Variants in PAK3 observed in about 807,000 individuals in gnomAD.
The protein encoded by PAK3 is serine/threonine-protein kinase PAK 3.
PAK3 carries 4 observed loss-of-function variants against 41.0 expected under a neutral mutation model. The ratio of observed to expected loss-of-function variants is 0.10; its 90% CI spans 0.05 to 0.22. PAK3 has a LOEUF of 0.22. Ranked by LOEUF, PAK3 falls within the 10% of genes least tolerant of loss-of-function variation. The pLI is 1.00. For synonymous variants in PAK3, 146 were observed against 139.6 expected, an observed-to-expected ratio of 1.05 and a Z score of -0.32; for missense variants, 205 against 409.9, an observed-to-expected ratio of 0.50 and a Z score of 4.32.
chrX:110,995,180 T>A (rs2091719958), intron 1 of PAK3, among the ~76,000 whole-genome samples: 1 of 111,069 alleles, frequency 9.0e-6, no homozygotes, highest in South Asian at 3.9e-4. Context: ...AAAAAACCAG[T>A]GTTGGGGTTA....
chrX:111,059,347 T>A (rs1168372247), intron 1 of PAK3, among the ~76,000 whole-genome samples: 7 of 110,693 alleles, frequency 6.3e-5, no homozygotes, highest in Non-Finnish European at 1.3e-4. Context: ...TTTTTGTAAT[T>A]TTTTTGTAGA....
At chrX:111,009,053 A>G (rs2091973765) in intron 1 of PAK3, among the ~76,000 whole-genome samples, 1 of 111,337 alleles carries the variant, frequency 9.0e-6, no homozygotes, top group Non-Finnish European at 1.9e-5. Context: ...AATTCATATA[A>G]CAGAAAATTT....
chrX:111,116,568 A>G (rs1198419189), intron 4 of PAK3, among the ~76,000 whole-genome samples: 1 of 112,168 alleles, frequency 8.9e-6, no homozygotes, highest in Non-Finnish European at 1.9e-5. Context: ...TATGCAGTAT[A>G]TGGAGTCTGG....
chrX:111,201,187 A>G (rs1326708160), intron 16 of PAK3, among the ~76,000 whole-genome samples: 1 of 112,462 alleles, frequency 8.9e-6, no homozygotes, highest in African/African-American at 3.2e-5. Flanking sequence ...ATACAGAGCT[A>G]GCTTTATTCT....
At chrX:111,191,980 AT>A (rs34641373) in intron 11 of PAK3, 146 bp from the exon 12 acceptor site, 36 of 402,034 alleles carry the variant, frequency 9.0e-5, no homozygotes, top group Admixed American at 8.3e-4. Flanking sequence ...CACAATAATA[AT>A]TTTTTTAAAA....
At chrX:110,987,109 T>C (rs2091558166) in intron 1 of PAK3, among the ~76,000 whole-genome samples, 1 of 111,978 alleles carries the variant, frequency 8.9e-6, no homozygotes, top group African/African-American at 3.2e-5. Flanking sequence ...GCTCTCAACA[T>C]TTTGCTCAGC....
At chrX:110,997,574 G>T (rs2091762012) in intron 1 of PAK3, among the ~76,000 whole-genome samples, 1 of 111,998 alleles carries the variant, frequency 8.9e-6, no homozygotes, top group Non-Finnish European at 1.9e-5. Flanking sequence ...TGATGCCATG[G>T]TTTTTAGCCT....
At chrX:111,049,595 C>G (rs147030297) in intron 1 of PAK3, among the ~76,000 whole-genome samples, 3,375 of 111,589 alleles carry the variant, frequency 0.03, 117 homozygotes, top group African/African-American at 0.1. Flanking sequence ...TAGACTAATC[C>G]CACCCAAATT....
intron 1 of PAK3, among the ~76,000 whole-genome samples, chrX:110,957,378 C>T (rs1237559359): frequency 1.8e-5 from 2 of 111,970 alleles, no homozygotes; most frequent in Non-Finnish European, 3.8e-5. Flanking sequence ...ATTTTTTTCT[C>T]ATTTAATCCT....
intron 1 of PAK3, among the ~76,000 whole-genome samples, chrX:111,034,381 T>C (rs1182320382): frequency 8.9e-6 from 1 of 111,848 alleles, no homozygotes; most frequent in Non-Finnish European, 1.9e-5. Context: ...AGCAAGACTA[T>C]GGCCCACTGC....
chrX:111,172,036 C>G (rs923429368), intron 10 of PAK3, among the ~76,000 whole-genome samples: 2 of 111,798 alleles, frequency 1.8e-5, no homozygotes, highest in African/African-American at 3.2e-5. Flanking sequence ...GTACTAGGTA[C>G]ATAGTAATTA....
intron 5 of PAK3, among the ~76,000 whole-genome samples, chrX:111,129,718 A>G (rs1007523296): frequency 9.0e-6 from 1 of 111,497 alleles, no homozygotes; most frequent in Non-Finnish European, 1.9e-5. Context: ...TGTTTACACT[A>G]AGGTAAAGAA....
intron 1 of PAK3, among the ~76,000 whole-genome samples, chrX:111,036,356 T>C (rs970232218): frequency 1.8e-5 from 2 of 112,444 alleles, no homozygotes; most frequent in Non-Finnish European, 3.8e-5. Flanking sequence ...AAGAAATATC[T>C]GAGACTGGGT....
intron 10 of PAK3, among the ~76,000 whole-genome samples, chrX:111,167,034 A>G (rs1392292556): frequency 8.9e-6 from 1 of 111,918 alleles, no homozygotes; most frequent in Admixed American, 9.5e-5. Flanking sequence ...GGGTTGTGTG[A>G]GGACTAAATA....
intron 1 of PAK3, among the ~76,000 whole-genome samples, chrX:111,049,204 CAGAA>C (rs2092531289): frequency 8.9e-6 from 1 of 112,220 alleles, no homozygotes; most frequent in Admixed American, 9.5e-5. Context: ...CACTTCACCT[CAGAA>C]AGAGTTTTCT....
chrX:111,068,920 C>A (rs770552828), intron 1 of PAK3, among the ~76,000 whole-genome samples: 90 of 112,060 alleles, frequency 8.0e-4, no homozygotes, highest in African/African-American at 2.8e-3. Flanking sequence ...TATCACTTTA[C>A]TGCTGATTTC....
chrX:111,053,499 A>G (rs768311486), intron 1 of PAK3, among the ~76,000 whole-genome samples: 6 of 111,460 alleles, frequency 5.4e-5, no homozygotes, highest in Non-Finnish European at 9.4e-5. Flanking sequence ...TAGAGTACTG[A>G]CTCCCTATGT....
At chrX:111,168,884 TAA>T (rs993645065) in intron 10 of PAK3, among the ~76,000 whole-genome samples, 23 of 111,475 alleles carry the variant, frequency 2.1e-4, no homozygotes, top group African/African-American at 7.5e-4. Flanking sequence ...TTCATTAAAA[TAA>T]AAAAGTCCAG....
chrX:110,959,205 G>A (rs1420587692), intron 1 of PAK3, among the ~76,000 whole-genome samples: 2 of 111,632 alleles, frequency 1.8e-5, no homozygotes, highest in Non-Finnish European at 3.8e-5. Flanking sequence ...AGCCTGAGTT[G>A]TTTAGGCAGT....
Sources: allele counts gnomAD v4.1 joint callset (sites outside exome capture counted in the v4.1 genomes callset), GRCh38; gene constraint gnomAD v4.1.1; transcripts MANE v1.5; gene names NCBI Gene and HGNC (gene_info 2026-07-23, HGNC 2026-07-21).